ZZZ3: variants seen among roughly 807,000 people sequenced by gnomAD.
ZZZ3 encodes ZZ-type zinc finger-containing protein 3.
In ZZZ3, 22 loss-of-function variants were observed where a neutral mutation model predicts 95.2. That is an observed-to-expected ratio of 0.23 (90% CI 0.17 to 0.33). The LOEUF is 0.33. Among genes scored for constraint, ZZZ3 ranks in the 10% least tolerant of loss-of-function variants. ZZZ3 has a pLI of 1.00. For missense variants in ZZZ3, 885 were observed against 1,066.5 expected (o/e 0.83, Z 2.37); for synonymous variants, 335 against 358.9 (o/e 0.93, Z 0.75).
At position 77,568,324 on chromosome 1, in the gene ZZZ3, G is replaced by C; in HGVS notation, c.2466+8C>G. On this transcript the variant is annotated splice_region_variant and intron_variant, in intron 13 of 14. Transcript: ENST00000370801. Reference sequence around the variant, plus strand: ...ATGAAATGAATCCTAAAATTAAATAGAACTTACCTTAAAGCCCACATGTTG... The same window carrying C: ...ATGAAATGAATCCTAAAATTAAATACAACTTACCTTAAAGCCCACATGTTG... 6.4e-7 allele frequency: 1 copy of C among 1,570,372 alleles called. No individual in the cohort carries two copies. Among genetic ancestry groups the C allele is most frequent in the Non-Finnish European group, 8.6e-7 (1 of 1,163,082 alleles).
At chr1:77,659,125 G>A (rs1670553990) in intron 1 of ZZZ3, among the ~76,000 whole-genome samples, 1 of 152,024 alleles carries the variant, frequency 6.6e-6, no homozygotes, top group African/African-American at 2.4e-5. Context: ...GGCTGAGTCA[G>A]GAGAACTGCT....
At chr1:77,620,026 T>C (rs191940235) in intron 5 of ZZZ3, among the ~76,000 whole-genome samples, 97 of 152,184 alleles carry the variant, frequency 6.4e-4, no homozygotes, top group Admixed American at 5.4e-3. Flanking sequence ...TGGTCTCTTG[T>C]ACACATTTAC....
At chr1:77,572,407 C>T (rs562904336) in intron 12 of ZZZ3, among the ~76,000 whole-genome samples, 1 of 152,080 alleles carries the variant, frequency 6.6e-6, no homozygotes, top group South Asian at 2.1e-4. Flanking sequence ...GGCACGATCT[C>T]GGCTCACTGC....
chr1:77,624,993 T>C (rs796084355), intron 5 of ZZZ3, among the ~76,000 whole-genome samples: 3 of 152,162 alleles, frequency 2.0e-5, no homozygotes, highest in Non-Finnish European at 2.9e-5. Context: ...TGAGTGTGAG[T>C]AGAGAGAAAA....
chr1:77,633,510 A>G, intron 4 of ZZZ3, 105 bp from the exon 5 acceptor site: 1 of 643,614 alleles, frequency 1.6e-6, no homozygotes, highest in Non-Finnish European at 2.5e-6. Flanking sequence ...TGGACATTAC[A>G]GTCTATAACT....
chr1:77,584,713 AACTG>A, intron 5 of ZZZ3, 58 bp from the exon 6 acceptor site: 6 of 1,419,354 alleles, frequency 4.2e-6, no homozygotes, highest in Non-Finnish European at 5.6e-6. Context: ...AATAAATAAA[AACTG>A]AGTTCAAGCC....
At chr1:77,646,694 A>G (rs1040993871) in intron 1 of ZZZ3, among the ~76,000 whole-genome samples, 14 of 152,234 alleles carry the variant, frequency 9.2e-5, no homozygotes, top group African/African-American at 2.9e-4. Flanking sequence ...AAAAAGTATG[A>G]AAATTATTTC....
intron 5 of ZZZ3, among the ~76,000 whole-genome samples, chr1:77,606,583 G>A (rs1307359753): frequency 6.6e-6 from 1 of 152,212 alleles, no homozygotes; most frequent in Admixed American, 6.5e-5. Flanking sequence ...TCCCAGTGGT[G>A]GTGGCCACAG....
chr1:77,571,874 G>A (rs1008430446), intron 12 of ZZZ3, among the ~76,000 whole-genome samples: 3 of 152,144 alleles, frequency 2.0e-5, no homozygotes, highest in Admixed American at 1.3e-4. Flanking sequence ...ACTGTACATA[G>A]CATTGCTGAA....
At chr1:77,665,969 A>G (rs1671212101) in intron 1 of ZZZ3, among the ~76,000 whole-genome samples, 1 of 152,200 alleles carries the variant, frequency 6.6e-6, no homozygotes, top group Admixed American at 6.5e-5. Context: ...TGAACCCAGA[A>G]GGCGGAGGGT....
At chr1:77,681,206 A>G (rs1265551892) in intron 1 of ZZZ3, among the ~76,000 whole-genome samples, 5 of 152,224 alleles carry the variant, frequency 3.3e-5, no homozygotes, top group Admixed American at 3.3e-4. Flanking sequence ...GCAACCACAA[A>G]GGCTGGTTAC....
At chr1:77,608,983 A>C (rs549662854) in intron 5 of ZZZ3, among the ~76,000 whole-genome samples, 1 of 152,310 alleles carries the variant, frequency 6.6e-6, no homozygotes, top group South Asian at 2.1e-4. Flanking sequence ...AGAGGACCAC[A>C]AAACAACCAG....
intron 1 of ZZZ3, among the ~76,000 whole-genome samples, chr1:77,658,842 G>A (rs1028352093): frequency 6.6e-6 from 1 of 152,022 alleles, no homozygotes; most frequent in Admixed American, 6.6e-5. Context: ...CAGACTTATT[G>A]GGTCACAGCA....
At chr1:77,623,462 C>T (rs1667065682) in intron 5 of ZZZ3, among the ~76,000 whole-genome samples, 1 of 152,128 alleles carries the variant, frequency 6.6e-6, no homozygotes, top group African/African-American at 2.4e-5. Context: ...AGGCTAGAAA[C>T]ATTCATGATT....
At chr1:77,613,564 C>T (rs1046735274) in intron 5 of ZZZ3, among the ~76,000 whole-genome samples, 3 of 151,646 alleles carry the variant, frequency 2.0e-5, no homozygotes, top group Non-Finnish European at 4.4e-5. Context: ...ACTGAGGAAC[C>T]AAAATGTCTC....
rs143191963 is a variant in ZZZ3, at chr1:77,659,734, G to A, written c.-402-18079C>T. Among the ~76,000 whole-genome samples, 47 of 148,236 alleles carry A rather than the reference G, an allele frequency of 3.2e-4. 1 individual carries two copies. In the East Asian group the frequency reaches 3.9e-3, roughly 12 times the overall value. ...AAGAAAGAAACCAGTTGAATCCTAT[G>A]TTTTGATTACCCAAAAAAAAAAAAA... On this transcript the variant is annotated intron_variant, in intron 1 of 14. Transcript: ENST00000370801.
At chr1:77,680,662 AC>A (rs1159062928) in intron 1 of ZZZ3, among the ~76,000 whole-genome samples, 6 of 152,138 alleles carry the variant, frequency 3.9e-5, no homozygotes, top group Non-Finnish European at 8.8e-5. Context: ...CTTTGTTTGT[AC>A]TAACTACTAA....
intron 5 of ZZZ3, among the ~76,000 whole-genome samples, chr1:77,597,575 T>C (rs1490957386): frequency 2.0e-5 from 3 of 152,162 alleles, no homozygotes; most frequent in African/African-American, 7.2e-5. Flanking sequence ...GTATGCACCC[T>C]GGTAGCATGT....
At chr1:77,621,612 T>C (rs1383683046) in intron 5 of ZZZ3, among the ~76,000 whole-genome samples, 1 of 151,074 alleles carries the variant, frequency 6.6e-6, no homozygotes, top group Non-Finnish European at 1.5e-5. Flanking sequence ...GCCCAGGAGT[T>C]TGAGACCAGC....
Sources: allele counts gnomAD v4.1 joint callset (sites outside exome capture counted in the v4.1 genomes callset), GRCh38; gene constraint gnomAD v4.1.1; transcripts MANE v1.5; gene names NCBI Gene and HGNC (gene_info 2026-07-23, HGNC 2026-07-21).